Variants in FLG observed in about 807,000 individuals in gnomAD.
FLG encodes the protein epidermal filaggrin.
A neutral mutation model predicts 3.8 loss-of-function variants in FLG; 6 were observed. The ratio of observed to expected loss-of-function variants is 1.60; its 90% confidence interval spans 0.87 to 3.15. FLG has a LOEUF of 3.15. Ranked by LOEUF, FLG falls within the 30% of genes most tolerant of loss-of-function variation. The pLI is 0.00. For missense variants in FLG, 7,595 were observed against 5,050.9 expected, an observed-to-expected ratio of 1.50 and a Z score of -15.27; for synonymous variants, 2,551 against 1,931.6, an observed-to-expected ratio of 1.32 and a Z score of -8.41.
intron 1 of FLG, among the ~76,000 whole-genome samples, chr1:152,318,936 G>C (rs775513539): frequency 2.1e-4 from 32 of 151,774 alleles, no homozygotes; most frequent in Non-Finnish European, 4.0e-4. Context: ...GAGGTTTTGT[G>C]GTAGAGGGGA....
Position 152,309,798 on chromosome 1 carries a change from G to T in FLG, c.5088C>A (p.Gly1696=). Residue 1696 remains glycine, a synonymous_variant, in exon 3 of 3, where the codon GGC becomes GGA. Coordinates refer to ENST00000368799, the MANE Select transcript of FLG (RefSeq NM_002016.2). ...CAGATGAATCTTGTCTGCGCCCAGT[G>T]CCTGAGTCTGTGGAGCTGTCTGCTG... The part of the protein sequence containing the change: ...QQSADSSTDS[G]TGRRQDSSVV... 2 of 1,613,946 alleles carry T rather than the reference G, an allele frequency of 1.2e-6. No individual in the cohort carries two copies. The highest frequency in any genetic ancestry group is 1.1e-5 in the South Asian group (1 of 91,074).
rs1374413764 is a variant in FLG at position 152,311,806 on chromosome 1, G to A, written c.3080C>T (p.Ser1027Leu). Residue 1027 changes from serine (S) to leucine (L), a missense_variant, in exon 3 of 3, where the codon TCA becomes TTA. Transcript: ENST00000368799. ...GGATCCGTGTCTTTCTCCTGGACTT[G>A]ATCTTGCCTGTTCATGGGATGACGC... ...QAASSHEQAR[S>L]SPGERHGSRH... 3.7e-6 allele frequency: 6 copies of A among 1,613,998 alleles called. No individual in the cohort carries two copies. The highest frequency in any genetic ancestry group is 5.1e-6 in the Non-Finnish European group (6 of 1,180,012).
chr1:152,311,249 A>T lies in FLG; in HGVS notation c.3637T>A (p.Ser1213Thr), dbSNP rs780142708. The T allele has an allele frequency of 1.9e-6, 3 of 1,613,112 alleles. No homozygotes were observed. The South Asian group carries it at 3.3e-5, about 18-fold the overall frequency. ...RSDASHGQSG[S>T]RSASRQTRKD... The stretch of plus-strand genomic sequence containing the variant: ...CGAGTTTGTCTGCTTGCACTTCTGG[A>T]TCCTGACTGCCCATGGGAGGCATCA... The change falls in exon 3 of 3, where the codon TCC becomes ACC. Residue 1213 changes from serine (S) to threonine (T), a missense_variant. Physicochemically the swap from Ser to Thr is moderately conservative, Grantham distance 58 (BLOSUM62 1). Coordinates refer to ENST00000368799, the MANE Select transcript of FLG (RefSeq NM_002016.2).
rs770298088 is a variant in FLG at position 152,303,144 on chromosome 1, CTG to C, written c.11740_11741del (p.Gln3914ValfsTer9). The stretch of plus-strand genomic sequence containing the variant: ...TAGAGTCTGACTGTACAGGTGAAGA[CTG>C]TACATGACTGGCTGTATCGCGGTGA... Reference protein sequence around the residue: ...SSHRDTASHVQSSPVQSDSST... With the variant: ...SSHRDTASHVXSSPVQSDSST... On this transcript the variant is annotated frameshift_variant, in exon 3 of 3. Transcript: ENST00000368799. LOFTEE classifies it low-confidence loss of function (END_TRUNC). 9.3e-6 allele frequency: 15 copies of C among 1,614,046 alleles called. No homozygotes were observed. In the East Asian group the frequency reaches 1.8e-4, roughly 19 times the overall value.
Position 152,312,064 on chromosome 1 carries a change from C to A in FLG, c.2822G>T (p.Arg941Leu), listed in dbSNP as rs547196696. The part of the protein sequence containing the change: ...GQSEGSRTSR[R>L]QGSSVSQDSD... ...GTCCTGGCTAACACTGGATCCCTGG[C>A]GCCTGCTTGTCCTGGACCCCTCTGA... Residue 941 changes from arginine to leucine, a missense_variant, in exon 3 of 3, where the codon CGC becomes CTC. Physicochemically the swap from Arg to Leu is moderately radical, Grantham distance 102. Coordinates refer to ENST00000368799, the MANE Select transcript of FLG (RefSeq NM_002016.2). The A allele has an allele frequency of 6.2e-7, 1 of 1,614,004 alleles. No homozygotes were observed. The highest frequency in any genetic ancestry group is 2.2e-5 in the East Asian group (1 of 44,856).
Position 152,313,576 on chromosome 1 carries a change from A to G in FLG, c.1310T>C (p.Val437Ala), listed in dbSNP as rs201320484. The change falls in exon 3 of 3, where the codon GTG becomes GCG. Residue 437 changes from valine (V) to alanine (A), a missense_variant. Coordinates refer to ENST00000368799, the MANE Select transcript of FLG (RefSeq NM_002016.2). ...CAGCCCAGCCTTTCCGTGGCCTGAC[A>G]CTGATTGTGTGTCTGAGTTTTCTGA... ...GHSENSDTQSVSGHGKAGLRQ... is the reference protein window; with the variant it reads ...GHSENSDTQSASGHGKAGLRQ... 13 of 1,613,502 alleles carry G rather than the reference A, an allele frequency of 8.1e-6. No individual in the cohort carries two copies. In the Admixed American group the frequency reaches 1.8e-4, roughly 23 times the overall value.
At chr1:152,315,059 A>G (rs1021426376) in intron 2 of FLG, 1 of 398,150 alleles carries the variant, frequency 2.5e-6, no homozygotes, top group Non-Finnish European at 4.4e-6. Flanking sequence ...TGTTTGGGAG[A>G]ATATTATAAA....
rs1651660891 is a variant in FLG, at chr1:152,302,285, G to A, written c.*415C>T. ...CAATAGAAGGATAATAGAGAAAGAT[G>A]TGCTAGCCCTGATGTTGATATAGCC... On this transcript the variant is annotated 3_prime_UTR_variant, in exon 3 of 3. Coordinates refer to ENST00000368799, the MANE Select transcript of FLG (RefSeq NM_002016.2). The A allele has an allele frequency of 9.9e-6, 2 of 202,848 alleles. No individual in the cohort carries two copies. Among genetic ancestry groups the A allele is most frequent in the South Asian group, 1.7e-4 (2 of 11,632 alleles). The allele number at this position is 202,848 out of a possible 1,614,324, so 12.6% of individuals were successfully genotyped here.
At position 152,304,258 on chromosome 1, in the gene FLG, C is replaced by T. The variant is rs1416561935; in HGVS notation, c.10628G>A (p.Ser3543Asn). Reference protein sequence around the residue: ...RNQGSSVSQDSDSQGHSEDSE... With the variant: ...RNQGSSVSQDNDSQGHSEDSE... ...GTCTTCTGAGTGTCCCTGACTGTCA[C>T]TGTCCTGGCTAACACTGGATCCCTG... The change falls in exon 3 of 3, where the codon AGT becomes AAT. Residue 3543 changes from serine to asparagine, a missense_variant. Transcript: ENST00000368799. The T allele has an allele frequency of 1.9e-6, 3 of 1,613,348 alleles. No homozygotes were observed. The highest frequency in any genetic ancestry group is 2.5e-6 in the Non-Finnish European group (3 of 1,179,712).
In FLG at chr1:152,307,272, G is replaced by C; in HGVS notation, c.7614C>G (p.Ser2538=). ...RHSGSRHHEA[S]SRADSSGHSQ... Reference sequence around the variant, plus strand: ...AGTGTCCAGAGCTGTCGGCCCGAGAGGAAGCTTCATGGTGACGCGACCCTG... The same window carrying C: ...AGTGTCCAGAGCTGTCGGCCCGAGACGAAGCTTCATGGTGACGCGACCCTG... Residue 2538 remains serine, a synonymous_variant, in exon 3 of 3, where the codon TCC becomes TCG. Transcript: ENST00000368799. 1 of 1,613,280 alleles carries C rather than the reference G, an allele frequency of 6.2e-7. No homozygotes were observed. The highest frequency in any genetic ancestry group is 8.5e-7 in the Non-Finnish European group (1 of 1,179,966).
chr1:152,315,982 A>T (rs749421709), intron 1 of FLG, among the ~76,000 whole-genome samples: 4 of 152,182 alleles, frequency 2.6e-5, no homozygotes, highest in Non-Finnish European at 5.9e-5. Flanking sequence ...CATTTCATGA[A>T]GTTTATAATA....
chr1:152,312,115 C>G lies in FLG; in HGVS notation c.2771G>C (p.Arg924Thr). The change falls in exon 3 of 3, where the codon AGA becomes ACA. Residue 924 changes from arginine to threonine, a missense_variant. Coordinates refer to ENST00000368799, the MANE Select transcript of FLG (RefSeq NM_002016.2). ...HEASSHADIS[R>T]HSQAGQGQSE... ...TTGTCCCTGGCCTGCCTGTGAGTGT[C>G]TAGAGATGTCGGCATGAGAGGAAGC... 1 of 1,614,108 alleles carries G rather than the reference C, an allele frequency of 6.2e-7. No individual in the cohort carries two copies. Among genetic ancestry groups the G allele is most frequent in the Non-Finnish European group, 8.5e-7 (1 of 1,180,020 alleles).
At chr1:152,322,733 A>G (rs1257769406) in intron 1 of FLG, among the ~76,000 whole-genome samples, 1 of 151,442 alleles carries the variant, frequency 6.6e-6, no homozygotes, top group East Asian at 1.9e-4. Flanking sequence ...ATAAAGATTT[A>G]AATAAATGGA....
chr1:152,306,277 T>G lies in FLG; in HGVS notation c.8609A>C (p.His2870Pro). ...EASTHADISRHSQAVQGQSEG... is the reference protein window; with the variant it reads ...EASTHADISRPSQAVQGQSEG... ...TGATTGTCCCTGGACTGCCTGTGAG[T>G]GTCTAGAGATGTCGGCATGAGTGGA... is the stretch of plus-strand genomic sequence containing the variant. The change falls in exon 3 of 3, where the codon CAC becomes CCC. Residue 2870 changes from histidine (H) to proline (P), a missense_variant. Coordinates refer to ENST00000368799, the MANE Select transcript of FLG (RefSeq NM_002016.2). The G allele has an allele frequency of 1.2e-6, 2 of 1,604,932 alleles. No individual in the cohort carries two copies. The highest frequency in any genetic ancestry group is 1.7e-6 in the Non-Finnish European group (2 of 1,180,044).
Position 152,307,440 on chromosome 1 carries a change from T to G in FLG, c.7446A>C (p.Val2482=). 2.5e-6 allele frequency: 4 copies of G among 1,613,286 alleles called. No homozygotes were observed. The highest frequency in any genetic ancestry group is 3.4e-6 in the Non-Finnish European group (4 of 1,179,718). Residue 2482 remains valine, a synonymous_variant, in exon 3 of 3, where the codon GTA becomes GTC. Coordinates refer to ENST00000368799, the MANE Select transcript of FLG (RefSeq NM_002016.2). The part of the protein sequence containing the change: ...GRQGSHYEQL[V]DRSGHSGSHH... ...GAGACCCTGAGTGTCCAGATCTATC[T>G]ACCAATTGCTCGTAGTGGGATCCCT...
Position 152,307,435 on chromosome 1 carries a change from C to G in FLG, c.7451G>C (p.Arg2484Thr), listed in dbSNP as rs1287880660. The G allele has an allele frequency of 2.5e-6, 4 of 1,613,250 alleles. No homozygotes were observed. Among genetic ancestry groups the G allele is most frequent in the African/African-American group, 2.7e-5 (2 of 74,806 alleles). Residue 2484 changes from arginine (R) to threonine (T), a missense_variant, in exon 3 of 3, where the codon AGA becomes ACA. Physicochemically the swap from Arg to Thr is moderately conservative, Grantham distance 71. Transcript: ENST00000368799. ...QGSHYEQLVD[R>T]SGHSGSHHSH... is the part of the protein sequence containing the mutation. The stretch of plus-strand genomic sequence containing the variant: ...GTGATGAGACCCTGAGTGTCCAGAT[C>G]TATCTACCAATTGCTCGTAGTGGGA...
chr1:152,317,794 G>A (rs926707480), intron 1 of FLG, among the ~76,000 whole-genome samples: 2 of 151,942 alleles, frequency 1.3e-5, no homozygotes, highest in Non-Finnish European at 2.9e-5. Flanking sequence ...GTCTTGTAGA[G>A]ATCTTAAATC....
At position 152,311,216 on chromosome 1, in the gene FLG, T is replaced by C. The variant is rs750565798; in HGVS notation, c.3670A>G (p.Lys1224Glu). 1.5e-5 allele frequency: 25 copies of C among 1,613,052 alleles called. No individual in the cohort carries two copies. Among genetic ancestry groups the C allele is most frequent in the Middle Eastern group, 1.6e-4 (1 of 6,084 alleles). ...TGCCTGGAGCCGTCTCCTGATTGTT[T>C]GTCCTTACGAGTTTGTCTGCTTGCA... ...RSASRQTRKD[K>E]QSGDGSRHSG... Residue 1224 changes from lysine (K) to glutamate (E), a missense_variant, in exon 3 of 3, where the codon AAA becomes GAA. By Grantham distance (56) the Lys-to-Glu change is moderately conservative. Transcript: ENST00000368799.
intron 1 of FLG, among the ~76,000 whole-genome samples, chr1:152,320,107 G>A (rs1400269794): frequency 6.6e-6 from 1 of 151,046 alleles, no homozygotes; most frequent in Non-Finnish European, 1.5e-5. Flanking sequence ...TTTAGGGCAA[G>A]GATGCAGATA....
Sources: gnomAD v4.1 joint callset for allele counts (sites outside exome capture counted in the v4.1 genomes callset) on GRCh38, gnomAD v4.1.1 for gene constraint, MANE v1.5 for transcripts, NCBI Gene and HGNC (gene_info 2026-07-23, HGNC 2026-07-21) for gene names.